ULK4: variants seen among roughly 807,000 people sequenced by gnomAD.
ULK4 encodes the protein unc-51 like kinase 4.
Under a neutral mutation model 160.6 loss-of-function variants are expected in ULK4, and 133 were observed. The observed-to-expected ratio is 0.83, with a 90% CI of 0.72 to 0.96. ULK4 has a LOEUF of 0.96. ULK4 is among the 40% of genes least tolerant of loss of function. The pLI is 0.00. For synonymous variants in ULK4, 534 were observed against 539.8 expected (o/e 0.99, Z 0.15); for missense variants, 1,580 against 1,499.5 (o/e 1.05, Z -0.89).
At chr3:41,713,042 A>C (rs983983229) in intron 25 of ULK4, among the ~76,000 whole-genome samples, 1 of 152,082 alleles carries the variant, frequency 6.6e-6, no homozygotes, top group African/African-American at 2.4e-5. Flanking sequence ...ATTGGGCTAC[A>C]GAACGTTCAT....
intron 32 of ULK4, among the ~76,000 whole-genome samples, chr3:41,541,681 G>A (rs2086700731): frequency 1.3e-5 from 2 of 152,078 alleles, no homozygotes; most frequent in Admixed American, 1.3e-4. Flanking sequence ...TTTTCCATTT[G>A]TTCGTGCCCT....
At chr3:41,907,426 G>A (rs1401630060) in intron 12 of ULK4, among the ~76,000 whole-genome samples, 1 of 151,766 alleles carries the variant, frequency 6.6e-6, no homozygotes, top group Admixed American at 6.6e-5. Flanking sequence ...CTTCCCATGT[G>A]GCTAGGGCTA....
intron 35 of ULK4, among the ~76,000 whole-genome samples, chr3:41,351,199 A>C (rs2125761370): frequency 6.6e-6 from 1 of 152,212 alleles, no homozygotes; most frequent in South Asian, 2.1e-4. Flanking sequence ...GACTTGATAT[A>C]CCCCCTGAAA....
chr3:41,411,356 G>A (rs2125827397), intron 34 of ULK4, among the ~76,000 whole-genome samples: 1 of 151,810 alleles, frequency 6.6e-6, no homozygotes, highest in South Asian at 2.1e-4. Context: ...GCTACTTAGA[G>A]GCTTTATCTG....
intron 21 of ULK4, among the ~76,000 whole-genome samples, chr3:41,788,689 CA>C (rs377112656): frequency 1.2e-4 from 16 of 138,952 alleles, no homozygotes; most frequent in South Asian, 4.6e-4. Context: ...GCCTCCATCT[CA>C]AAAAAAAAAG....
chr3:41,539,106 T>A (rs1201077937), intron 32 of ULK4, among the ~76,000 whole-genome samples: 2 of 151,476 alleles, frequency 1.3e-5, no homozygotes, highest in Non-Finnish European at 2.9e-5. Context: ...CTCATAAATC[T>A]CCTAAAATTC....
intron 32 of ULK4, among the ~76,000 whole-genome samples, chr3:41,565,758 A>G (rs1221053730): frequency 6.6e-6 from 1 of 152,210 alleles, no homozygotes; most frequent in African/African-American, 2.4e-5. Flanking sequence ...ATGAAGACAG[A>G]TAGCAATCAG....
chr3:41,951,512 T>C (rs1700295681), intron 2 of ULK4, among the ~76,000 whole-genome samples: 1 of 151,724 alleles, frequency 6.6e-6, no homozygotes, highest in Non-Finnish European at 1.5e-5. Flanking sequence ...AGACCAACAG[T>C]ATAGAATAAG....
intron 30 of ULK4, among the ~76,000 whole-genome samples, chr3:41,631,174 A>C (rs1018408720): frequency 2.6e-5 from 4 of 152,186 alleles, no homozygotes; most frequent in Non-Finnish European, 5.9e-5. Flanking sequence ...TCTGCAGAGA[A>C]CTGGCAGAAG....
intron 29 of ULK4, among the ~76,000 whole-genome samples, chr3:41,679,953 A>G (rs1427792140): frequency 6.6e-6 from 1 of 152,136 alleles, no homozygotes; most frequent in African/African-American, 2.4e-5. Flanking sequence ...AGCTCAGACA[A>G]TCTTCCAGTC....
At chr3:41,592,136 A>G (rs2031378608) in intron 31 of ULK4, among the ~76,000 whole-genome samples, 1 of 152,208 alleles carries the variant, frequency 6.6e-6, no homozygotes, top group Non-Finnish European at 1.5e-5. Flanking sequence ...ATGAGTGCCC[A>G]AACTGTAGAA....
At chr3:41,282,181 C>T (rs1359111411) in intron 35 of ULK4, among the ~76,000 whole-genome samples, 1 of 152,152 alleles carries the variant, frequency 6.6e-6, no homozygotes, top group Non-Finnish European at 1.5e-5. Context: ...AACATTCCAT[C>T]CTCATGGATA....
chr3:41,706,849 A>ATTATGTGTG (rs1338692017), intron 25 of ULK4, among the ~76,000 whole-genome samples: 1 of 102,368 alleles, frequency 9.8e-6, no homozygotes, highest in African/African-American at 5.1e-5. Context: ...AAAAAAAAAT[A>ATTATGTGTG]TGTGTGTGTG....
chr3:41,583,011 A>G (rs754424966), intron 31 of ULK4, among the ~76,000 whole-genome samples: 1 of 152,212 alleles, frequency 6.6e-6, no homozygotes, highest in Non-Finnish European at 1.5e-5. Flanking sequence ...TATGGCTTTC[A>G]AGAGATGGGG....
At chr3:41,857,234 C>G (rs2125679832) in intron 17 of ULK4, among the ~76,000 whole-genome samples, 1 of 152,252 alleles carries the variant, frequency 6.6e-6, no homozygotes, top group South Asian at 2.1e-4. Context: ...CCAGCTTTCC[C>G]CATCTCTGAG....
At position 41,829,119 on chromosome 3, in the gene ULK4, TCCTTACA is replaced by T. The variant is rs946075868; in HGVS notation, c.1764+6738_1764+6744del. Among the ~76,000 whole-genome samples the T allele has an allele frequency of 8.3e-4, 126 of 151,352 alleles. 2 individuals carry two copies. Among genetic ancestry groups the T allele is most frequent in the South Asian group, 7.8e-3 (37 of 4,764 alleles). On this transcript the variant is annotated intron_variant, in intron 18 of 36. Coordinates refer to ENST00000301831, the MANE Select transcript of ULK4 (RefSeq NM_017886.4). The stretch of plus-strand genomic sequence containing the variant: ...TGTAGAAAGCTGAAACTGGATCCCT[TCCTTACA>T]CCTTACACAAAAATTAATTCAAGAT...
intron 17 of ULK4, among the ~76,000 whole-genome samples, chr3:41,867,670 C>T (rs1191094719): frequency 6.6e-6 from 1 of 152,208 alleles, no homozygotes; most frequent in Non-Finnish European, 1.5e-5. Flanking sequence ...AGTCACCACG[C>T]CCAGCCTGAC....
At chr3:41,692,780 T>A (rs1174229959) in intron 27 of ULK4, among the ~76,000 whole-genome samples, 1 of 152,218 alleles carries the variant, frequency 6.6e-6, no homozygotes, top group Non-Finnish European at 1.5e-5. Flanking sequence ...AGAGACCTAC[T>A]GAACTTTTTG....
At chr3:41,373,662 T>C (rs1011604679) in intron 35 of ULK4, among the ~76,000 whole-genome samples, 1 of 152,086 alleles carries the variant, frequency 6.6e-6, no homozygotes, top group Non-Finnish European at 1.5e-5. Context: ...TTAATAGCAA[T>C]AAATGCCCAC....
Sources: allele counts gnomAD v4.1 joint callset (sites outside exome capture counted in the v4.1 genomes callset), GRCh38; gene constraint gnomAD v4.1.1; transcripts MANE v1.5; gene names NCBI Gene and HGNC (gene_info 2026-07-23, HGNC 2026-07-21).